The following TTI1 variants were observed in gnomAD, a reference collection of about 807,000 sequenced individuals.
The protein encoded by TTI1 is TELO2 interacting protein 1, also known as TELO2-interacting protein 1 homolog.
TTI1 carries 52 observed loss-of-function variants against 85.4 expected under a neutral mutation model. The observed-to-expected ratio is 0.61, with a 90% CI of 0.49 to 0.77. The LOEUF (loss-of-function observed/expected upper bound fraction) is 0.77, where lower values mean the gene tolerates loss of function less well. Ranked by LOEUF, TTI1 falls within the 30% of genes least tolerant of loss-of-function variation. The pLI, the probability that TTI1 is intolerant of heterozygous loss-of-function variation, is 0.00. For synonymous variants in TTI1, 512 were observed against 503.9 expected, an observed-to-expected ratio of 1.02 and a Z score of -0.22; for missense variants, 1,173 against 1,296.0, an observed-to-expected ratio of 0.91 and a Z score of 1.46.
At chr20:38,015,514 G>T (rs1348631667) in intron 1 of TTI1, among the ~76,000 whole-genome samples, 1 of 152,130 alleles carries the variant, frequency 6.6e-6, no homozygotes, top group African/African-American at 2.4e-5. Flanking sequence ...GTTGGATCAA[G>T]AAGTAGGAAA....
intron 7 of TTI1, chr20:37,987,510 C>T: frequency 5.4e-6 from 2 of 372,886 alleles, no homozygotes; most frequent in South Asian, 4.1e-5. Flanking sequence ...TTTCTCCTCC[C>T]CCCAGGCCCA....
intron 1 of TTI1, among the ~76,000 whole-genome samples, chr20:38,018,501 T>C (rs2122618418): frequency 6.6e-6 from 1 of 152,130 alleles, no homozygotes; most frequent in Admixed American, 6.5e-5. Flanking sequence ...CGTGAATAAA[T>C]GAGTCTCAGA....
intron 4 of TTI1, chr20:38,000,422 C>T (rs924336358): frequency 6.0e-4 from 92 of 153,764 alleles, no homozygotes; most frequent in African/African-American, 2.2e-3. Context: ...AGACTGCCTG[C>T]ATCAGTGTCA....
chr20:38,011,668 T>C lies in TTI1; in HGVS notation c.2149A>G (p.Lys717Glu). 1 of 1,614,118 alleles carries C rather than the reference T, an allele frequency of 6.2e-7. No individual in the cohort carries two copies. The highest frequency in any genetic ancestry group is 8.5e-7 in the Non-Finnish European group (1 of 1,180,006). The change falls in exon 2 of 8, where the codon AAG becomes GAG. Residue 717 changes from lysine (K) to glutamate (E), a missense_variant. Lys to Glu is a moderately conservative substitution (Grantham distance 56). Transcript: ENST00000373447. Reference protein sequence around the residue: ...RHLALHPHTPKVLEVMLRNSD... With the variant: ...RHLALHPHTPEVLEVMLRNSD... ...TTCCGCAGCATGACTTCCAGGACCTTTGGGGTATGAGGATGCAGAGCCAGA... is the reference window on the plus strand; with the variant it reads ...TTCCGCAGCATGACTTCCAGGACCTCTGGGGTATGAGGATGCAGAGCCAGA...
At chr20:37,993,602 T>C (rs1224913502) in intron 7 of TTI1, among the ~76,000 whole-genome samples, 1 of 152,136 alleles carries the variant, frequency 6.6e-6, no homozygotes, top group African/African-American at 2.4e-5. Context: ...CAGACATGGC[T>C]GTTCTACAGG....
At chr20:37,984,958 T>G (rs762107541) in intron 7 of TTI1, among the ~76,000 whole-genome samples, 2 of 152,228 alleles carry the variant, frequency 1.3e-5, no homozygotes, top group Non-Finnish European at 2.9e-5. Context: ...AGTTACTACA[T>G]TGCACATGAA....
At chr20:37,993,331 C>T (rs1057205940) in intron 7 of TTI1, among the ~76,000 whole-genome samples, 1 of 151,954 alleles carries the variant, frequency 6.6e-6, no homozygotes, top group African/African-American at 2.4e-5. Flanking sequence ...ACATCAACCA[C>T]CCCCTGATCA....
chr20:37,986,405 G>A (rs992145467), intron 7 of TTI1, among the ~76,000 whole-genome samples: 2 of 152,168 alleles, frequency 1.3e-5, no homozygotes, highest in African/African-American at 4.8e-5. Context: ...TTTTTGCCCT[G>A]CAAGATATCC....
Position 37,996,887 on chromosome 20 carries a change from G to C in TTI1, c.2860C>G (p.Pro954Ala). 6.2e-7 allele frequency: 1 copy of C among 1,614,128 alleles called. No homozygotes were observed. The highest frequency in any genetic ancestry group is 1.1e-5 in the South Asian group (1 of 91,078). Residue 954 changes from proline (P) to alanine (A), a missense_variant, in exon 6 of 8, where the codon CCA (proline) becomes GCA (alanine). Transcript: ENST00000373447. ...LRSRFCKDVL[P>A]KLAGSLVTQA... ...GTGACTAGGGAGCCAGCCAGCTTTGGCAGGACATCTTTGCAGAACCGGCTG... is the reference window on the plus strand; with the variant it reads ...GTGACTAGGGAGCCAGCCAGCTTTGCCAGGACATCTTTGCAGAACCGGCTG...
intron 7 of TTI1, among the ~76,000 whole-genome samples, chr20:37,984,657 C>T (rs900740402): frequency 2.0e-5 from 3 of 152,222 alleles, no homozygotes; most frequent in Non-Finnish European, 4.4e-5. Flanking sequence ...CTGGGCTCCC[C>T]ATGCCATTTT....
At position 38,012,778 on chromosome 20, in the gene TTI1, T is replaced by C. The variant is rs1165658535; in HGVS notation, c.1039A>G (p.Ile347Val). The stretch of plus-strand genomic sequence containing the variant: ...AGAACTTTATTGCACTGGGCTTGGA[T>C]TTCAGGACTCTCATCATTTACTAGT... ...VGLVNDESPE[I>V]QAQCNKVLRH... is the part of the protein sequence containing the mutation. Residue 347 changes from isoleucine (I) to valine (V), a missense_variant, in exon 2 of 8, where the codon ATC becomes GTC. Transcript: ENST00000373447. The C allele has an allele frequency of 6.2e-7, 1 of 1,614,030 alleles. No homozygotes were observed. The highest frequency in any genetic ancestry group is 8.5e-7 in the Non-Finnish European group (1 of 1,180,026).
chr20:37,984,100 T>C (rs764633621), intron 7 of TTI1, among the ~76,000 whole-genome samples: 1 of 152,174 alleles, frequency 6.6e-6, no homozygotes, highest in Non-Finnish European at 1.5e-5. Context: ...CTTAATATTA[T>C]GGTCCTCCAG....
At chr20:38,010,090 G>A (rs1027733165) in intron 2 of TTI1, among the ~76,000 whole-genome samples, 2 of 152,106 alleles carry the variant, frequency 1.3e-5, no homozygotes, top group African/African-American at 4.8e-5. Context: ...TCATTACTTA[G>A]CACAGTGTCT....
chr20:38,024,973 G>C (rs1056022649), intron 1 of TTI1, among the ~76,000 whole-genome samples: 1 of 152,132 alleles, frequency 6.6e-6, no homozygotes, highest in African/African-American at 2.4e-5. Flanking sequence ...GGGGAGTTGG[G>C]ACTGCCACAC....
chr20:37,983,896 C>T (rs1312659325), intron 7 of TTI1, among the ~76,000 whole-genome samples: 1 of 151,862 alleles, frequency 6.6e-6, no homozygotes, highest in African/African-American at 2.4e-5. Context: ...CTGAGCAGAA[C>T]AATATTGACA....
chr20:38,011,819 G>A lies in TTI1; in HGVS notation c.1998C>T (p.Leu666=), dbSNP rs142417762. 25 of 1,614,252 alleles carry A rather than the reference G, an allele frequency of 1.5e-5. No individual in the cohort carries two copies. In the East Asian group the frequency reaches 4.2e-4, roughly 27 times the overall value. ...VLEKAGDQTL[L]ISQVATSTMM... ...TGGTGCTGGTAGCCACCTGACTAAT[G>A]AGTAGGGTTTGGTCTCCAGCCTTCT... is the stretch of plus-strand genomic sequence containing the variant. Residue 666 remains leucine (L), a synonymous_variant, in exon 2 of 8, where the codon CTC becomes CTT. Transcript: ENST00000373447.
At chr20:38,001,204 A>G (rs1210165573) in intron 4 of TTI1, among the ~76,000 whole-genome samples, 2 of 152,158 alleles carry the variant, frequency 1.3e-5, no homozygotes, top group African/African-American at 2.4e-5. Context: ...CACATGAATG[A>G]GTGTATGTGT....
At chr20:37,988,409 T>A (rs900321814) in intron 7 of TTI1, among the ~76,000 whole-genome samples, 8 of 152,198 alleles carry the variant, frequency 5.3e-5, no homozygotes, top group African/African-American at 1.9e-4. Context: ...TATTACAGAA[T>A]ATGTTCTCAC....
chr20:37,994,460 A>G (rs1272675874), intron 7 of TTI1, among the ~76,000 whole-genome samples: 1 of 151,150 alleles, frequency 6.6e-6, no homozygotes, highest in African/African-American at 2.4e-5. Flanking sequence ...TTTCCATACT[A>G]AGTGGCCCAC....
Sources: gnomAD v4.1 joint callset for allele counts (sites outside exome capture counted in the v4.1 genomes callset) on GRCh38, gnomAD v4.1.1 for gene constraint, MANE v1.5 for transcripts, NCBI Gene and HGNC (gene_info 2026-07-23, HGNC 2026-07-21) for gene names.